Variants in SGCZ observed in about 807,000 individuals in gnomAD.
SGCZ encodes the protein sarcoglycan zeta.
Under a neutral mutation model 41.3 loss-of-function variants are expected in SGCZ, and 40 were observed. That is an observed-to-expected ratio of 0.97 (90% CI 0.75 to 1.26). The LOEUF (loss-of-function observed/expected upper bound fraction) is 1.26. SGCZ is among the 50% of genes most tolerant of loss of function. SGCZ has a pLI of 0.00. For synonymous variants in SGCZ, 206 were observed against 137.5 expected (o/e 1.50, Z -3.49); for missense variants, 552 against 369.8 (o/e 1.49, Z -4.04).
chr8:14,118,413 G>T (rs575806431), intron 5 of SGCZ, among the ~76,000 whole-genome samples: 3,231 of 152,000 alleles, frequency 0.021, 144 homozygotes, highest in African/African-American at 0.075. Context: ...TTTTGATGGG[G>T]TTGTTTTTTT....
intron 2 of SGCZ, among the ~76,000 whole-genome samples, chr8:14,482,895 C>T (rs1410137736): frequency 2.0e-5 from 3 of 152,040 alleles, no homozygotes; most frequent in Non-Finnish European, 4.4e-5. Flanking sequence ...ACTGGCTCCC[C>T]TGGGTCTCCG....
At chr8:14,567,796 C>T (rs1458044546) in intron 1 of SGCZ, among the ~76,000 whole-genome samples, 1 of 152,156 alleles carries the variant, frequency 6.6e-6, no homozygotes, top group Non-Finnish European at 1.5e-5. Context: ...GAGGAATGAA[C>T]ACCTCCAGAC....
chr8:14,264,964 AAAAC>A (rs1004134474), intron 3 of SGCZ, among the ~76,000 whole-genome samples: 40 of 152,272 alleles, frequency 2.6e-4, no homozygotes, highest in Admixed American at 1.1e-3. Flanking sequence ...CTCTGTCTCA[AAAAC>A]AAACAAACAA....
intron 1 of SGCZ, among the ~76,000 whole-genome samples, chr8:15,014,670 G>A (rs1802957275): frequency 6.6e-6 from 1 of 152,160 alleles, no homozygotes; most frequent in Admixed American, 6.5e-5. Context: ...ACATTTGAGA[G>A]CCATATGGCT....
At chr8:15,162,433 A>G (rs1799537958) in intron 1 of SGCZ, among the ~76,000 whole-genome samples, 1 of 152,200 alleles carries the variant, frequency 6.6e-6, no homozygotes, top group African/African-American at 2.4e-5. Context: ...CTACTTGTAA[A>G]TTACTTTCAG....
intron 1 of SGCZ, among the ~76,000 whole-genome samples, chr8:14,779,563 G>A (rs984758259): frequency 1.3e-5 from 2 of 152,072 alleles, no homozygotes; most frequent in East Asian, 1.9e-4. Flanking sequence ...AAGCCACTAC[G>A]TTTTTATTTG....
intron 1 of SGCZ, among the ~76,000 whole-genome samples, chr8:15,202,700 A>G (rs943569337): frequency 6.6e-6 from 1 of 152,210 alleles, no homozygotes; most frequent in African/African-American, 2.4e-5. Context: ...AGTAGCTTCT[A>G]AGTCAGACAT....
chr8:14,276,195 A>C (rs1055897268), intron 3 of SGCZ, among the ~76,000 whole-genome samples: 1 of 152,088 alleles, frequency 6.6e-6, no homozygotes, highest in Non-Finnish European at 1.5e-5. Flanking sequence ...TTATTTTGTC[A>C]TGCTTCTTTT....
At chr8:15,079,412 T>C (rs917301206) in intron 1 of SGCZ, among the ~76,000 whole-genome samples, 1 of 152,184 alleles carries the variant, frequency 6.6e-6, no homozygotes, top group African/African-American at 2.4e-5. Context: ...CATTGTTCCA[T>C]TTTCTTTTGG....
At chr8:14,258,944 G>A (rs1018868171) in intron 3 of SGCZ, among the ~76,000 whole-genome samples, 5 of 152,158 alleles carry the variant, frequency 3.3e-5, no homozygotes, top group African/African-American at 1.2e-4. Context: ...AAGGCAGAGA[G>A]CAGGTTTATA....
At chr8:14,575,854 C>A (rs1477930456) in intron 1 of SGCZ, among the ~76,000 whole-genome samples, 1 of 131,244 alleles carries the variant, frequency 7.6e-6, no homozygotes, top group African/African-American at 3.0e-5. Context: ...TGTAGTGAGC[C>A]AAGAATGTGC....
At chr8:14,189,698 G>A (rs975629312) in intron 4 of SGCZ, among the ~76,000 whole-genome samples, 1 of 152,148 alleles carries the variant, frequency 6.6e-6, no homozygotes, top group African/African-American at 2.4e-5. Flanking sequence ...GGCCTTACCT[G>A]ACCATGATAT....
chr8:14,506,098 G>A (rs1449525741), intron 2 of SGCZ, among the ~76,000 whole-genome samples: 3 of 152,014 alleles, frequency 2.0e-5, no homozygotes, highest in Non-Finnish European at 2.9e-5. Flanking sequence ...AGCACTTTGG[G>A]AGGCCGAGGC....
intron 1 of SGCZ, among the ~76,000 whole-genome samples, chr8:14,642,432 T>C (rs1390078094): frequency 1.3e-5 from 2 of 151,602 alleles, no homozygotes; most frequent in Non-Finnish European, 3.0e-5. Flanking sequence ...TGAAAGATTC[T>C]CTTCAAGTCA....
intron 1 of SGCZ, among the ~76,000 whole-genome samples, chr8:14,556,982 A>G (rs1301683067): frequency 1.3e-5 from 2 of 152,038 alleles, no homozygotes; most frequent in Admixed American, 1.3e-4. Flanking sequence ...TGGTAGTTCT[A>G]CATTTAATTA....
chr8:14,202,356 G>A (rs1805481807), intron 4 of SGCZ, among the ~76,000 whole-genome samples: 1 of 152,122 alleles, frequency 6.6e-6, no homozygotes, highest in South Asian at 2.1e-4. Flanking sequence ...AGCCCAGTGA[G>A]ACCCATTTAG....
At chr8:14,401,084 A>G (rs534058322) in intron 2 of SGCZ, among the ~76,000 whole-genome samples, 2 of 152,266 alleles carry the variant, frequency 1.3e-5, no homozygotes, top group African/African-American at 2.4e-5. Flanking sequence ...ATGGAAGGAA[A>G]GCAGTCCACA....
chr8:15,165,955 G>A (rs1043862975), intron 1 of SGCZ, among the ~76,000 whole-genome samples: 1 of 152,140 alleles, frequency 6.6e-6, no homozygotes, highest in African/African-American at 2.4e-5. Flanking sequence ...ATTTTTAAAG[G>A]GTTGTAAAAG....
chr8:14,435,222 A>G (rs10090524), intron 2 of SGCZ, among the ~76,000 whole-genome samples: 2,646 of 152,288 alleles, frequency 0.017, 48 homozygotes, highest in African/African-American at 0.048. Context: ...AATATCTTGC[A>G]TATTGCCATT....
Sources: gnomAD v4.1 joint callset for allele counts (sites outside exome capture counted in the v4.1 genomes callset) on GRCh38, gnomAD v4.1.1 for gene constraint, MANE v1.5 for transcripts, NCBI Gene and HGNC (gene_info 2026-07-23, HGNC 2026-07-21) for gene names.